EPHA3: variants seen among roughly 807,000 people sequenced by gnomAD.
EPHA3 encodes ephrin type-A receptor 3.
EPHA3 carries 42 observed loss-of-function variants against 107.1 expected under a neutral mutation model. That is an observed-to-expected ratio of 0.39 (90% CI 0.31 to 0.51). The LOEUF (loss-of-function observed/expected upper bound fraction) is 0.51, where lower values mean the gene tolerates loss of function less well. EPHA3 is among the 20% of genes least tolerant of loss of function. The pLI is 0.78. For synonymous variants in EPHA3, 461 were observed against 424.8 expected (o/e 1.09, Z -1.05); for missense variants, 1,183 against 1,211.2 (o/e 0.98, Z 0.35).
At chr3:89,473,603 G>A (rs1710449959) in intron 16 of EPHA3, among the ~76,000 whole-genome samples, 1 of 152,120 alleles carries the variant, frequency 6.6e-6, no homozygotes, top group African/African-American at 2.4e-5. Context: ...GCTAAAAACT[G>A]GCTTTCTAAA....
At chr3:89,343,109 G>C (rs189364062) in intron 5 of EPHA3, among the ~76,000 whole-genome samples, 1 of 152,164 alleles carries the variant, frequency 6.6e-6, no homozygotes, top group African/African-American at 2.4e-5. Flanking sequence ...GAGAATATCA[G>C]AATGTGTCCT....
At chr3:89,235,488 C>A (rs1410131160) in intron 3 of EPHA3, among the ~76,000 whole-genome samples, 1 of 151,994 alleles carries the variant, frequency 6.6e-6, no homozygotes, top group African/African-American at 2.4e-5. Context: ...AACTCTCATT[C>A]CTGACTTTAA....
Position 89,479,663 on chromosome 3 carries a change from T to C in EPHA3, c.*161T>C, listed in dbSNP as rs1158112887. 1 of 560,236 alleles carries C rather than the reference T, an allele frequency of 1.8e-6. No homozygotes were observed. Among genetic ancestry groups the C allele is most frequent in the South Asian group, 2.9e-5 (1 of 34,080 alleles). The allele number at this position is 560,236 out of a possible 1,614,324, so 34.7% of individuals were successfully genotyped here. A position where few individuals can be genotyped will look rare whatever the true frequency, so the allele number is the denominator to read the frequency against. ...GCCTTAAAATGGAATTGAAAAACTCTTTATTTTCCCCTATCATTTATTGGA... is the reference window on the plus strand; with the variant it reads ...GCCTTAAAATGGAATTGAAAAACTCCTTATTTTCCCCTATCATTTATTGGA... On this transcript the variant is annotated 3_prime_UTR_variant, in exon 17 of 17. Transcript: ENST00000336596.
chr3:89,338,192 T>C (rs576701803), intron 3 of EPHA3, among the ~76,000 whole-genome samples: 1 of 152,332 alleles, frequency 6.6e-6, no homozygotes, highest in Non-Finnish European at 1.5e-5. Context: ...GTGAGCAAAA[T>C]CAGGATTCTG....
chr3:89,325,238 T>C (rs1367972700), intron 3 of EPHA3, among the ~76,000 whole-genome samples: 1 of 152,194 alleles, frequency 6.6e-6, no homozygotes, highest in Admixed American at 6.5e-5. Flanking sequence ...AAAATCTTCA[T>C]ATCATCTACA....
At chr3:89,300,265 T>C (rs1248877964) in intron 3 of EPHA3, among the ~76,000 whole-genome samples, 1 of 152,028 alleles carries the variant, frequency 6.6e-6, no homozygotes, top group Admixed American at 6.6e-5. Context: ...TTTTCTGTAA[T>C]AAAAGAGTTA....
chr3:89,177,387 C>T (rs1268683453), intron 2 of EPHA3, among the ~76,000 whole-genome samples: 1 of 152,026 alleles, frequency 6.6e-6, no homozygotes, highest in Non-Finnish European at 1.5e-5. Context: ...ATTACCTGTC[C>T]ACATTTGGGA....
chr3:89,221,260 A>G (rs1704367845), intron 3 of EPHA3, among the ~76,000 whole-genome samples: 1 of 152,166 alleles, frequency 6.6e-6, no homozygotes, highest in African/African-American at 2.4e-5. Flanking sequence ...TCTGGGACCA[A>G]TCACGGACAT....
chr3:89,374,159 T>TA (rs980528963), intron 5 of EPHA3, among the ~76,000 whole-genome samples: 1 of 151,750 alleles, frequency 6.6e-6, no homozygotes, highest in Admixed American at 6.6e-5. Context: ...GCAACTAGAA[T>TA]AAAAAAGTCA....
intron 2 of EPHA3, among the ~76,000 whole-genome samples, chr3:89,208,819 AG>A (rs1421679835): frequency 1.3e-5 from 2 of 152,192 alleles, no homozygotes; most frequent in African/African-American, 4.8e-5. Context: ...GAAATTCAAG[AG>A]TTAGAAAGTT....
intron 3 of EPHA3, among the ~76,000 whole-genome samples, chr3:89,271,411 G>T (rs1402435249): frequency 6.6e-6 from 1 of 151,818 alleles, no homozygotes; most frequent in Non-Finnish European, 1.5e-5. Flanking sequence ...TTTTTCTAAT[G>T]TTTTTTTAAT....
At chr3:89,164,355 C>A (rs561246233) in intron 2 of EPHA3, among the ~76,000 whole-genome samples, 13 of 152,342 alleles carry the variant, frequency 8.5e-5, no homozygotes, top group African/African-American at 3.1e-4. Context: ...GGGCCGCATG[C>A]GGCCCACTGG....
chr3:89,360,061 A>T (rs1386671019), intron 5 of EPHA3, among the ~76,000 whole-genome samples: 2 of 149,960 alleles, frequency 1.3e-5, no homozygotes, highest in Admixed American at 6.7e-5. Flanking sequence ...TATTTATCTA[A>T]CTCAAGTTGC....
chr3:89,332,201 C>T (rs1707303700), intron 3 of EPHA3, among the ~76,000 whole-genome samples: 1 of 152,136 alleles, frequency 6.6e-6, no homozygotes, highest in African/African-American at 2.4e-5. Flanking sequence ...CATACAGTTC[C>T]TTGAAAGTGG....
At chr3:89,387,680 T>C (rs1708648599) in intron 5 of EPHA3, among the ~76,000 whole-genome samples, 1 of 148,920 alleles carries the variant, frequency 6.7e-6, no homozygotes, top group Non-Finnish European at 1.5e-5. Flanking sequence ...TGGGAGATAT[T>C]AAAAAGAAGA....
In EPHA3 at chr3:89,480,458, A is replaced by G. The variant is rs890882763; in HGVS notation, c.*956A>G. The G allele has an allele frequency of 1.3e-5, 3 of 233,292 alleles. No homozygotes were observed. Among genetic ancestry groups the G allele is most frequent in the Non-Finnish European group, 2.5e-5 (3 of 117,900 alleles). 14.5% of individuals were successfully genotyped at this position (233,292 alleles called of 1,614,324 possible). On this transcript the variant is annotated 3_prime_UTR_variant, in exon 17 of 17. Transcript: ENST00000336596. The stretch of plus-strand genomic sequence containing the variant: ...TTGTATGCAATGGATTTTCAACCAG[A>G]TAACATACCTTTCCTGCTCTGGTGC...
intron 5 of EPHA3, among the ~76,000 whole-genome samples, chr3:89,357,654 G>C (rs1270885934): frequency 1.3e-5 from 2 of 151,096 alleles, no homozygotes; most frequent in Non-Finnish European, 3.0e-5. Flanking sequence ...GTTTCAAGTA[G>C]TAAAGCTTGT....
chr3:89,286,803 T>C (rs549284510), intron 3 of EPHA3, among the ~76,000 whole-genome samples: 2 of 152,298 alleles, frequency 1.3e-5, no homozygotes, highest in East Asian at 3.9e-4. Context: ...AGAAATAATG[T>C]GTTGATTCAC....
intron 2 of EPHA3, among the ~76,000 whole-genome samples, chr3:89,202,422 A>C (rs1705989069): frequency 1.3e-5 from 2 of 150,872 alleles, no homozygotes; most frequent in Non-Finnish European, 2.9e-5. Flanking sequence ...TGACTGAGGC[A>C]GGAGAATCAC....
Sources: allele counts gnomAD v4.1 joint callset (sites outside exome capture counted in the v4.1 genomes callset), GRCh38; gene constraint gnomAD v4.1.1; transcripts MANE v1.5; gene names NCBI Gene and HGNC (gene_info 2026-07-23, HGNC 2026-07-21).